The following SNTG1 variants were observed in gnomAD, a reference collection of about 807,000 sequenced individuals.
SNTG1 encodes the protein gamma-1-syntrophin.
SNTG1 carries 39 observed loss-of-function variants against 74.7 expected under a neutral mutation model. The observed-to-expected ratio is 0.52, with a 90% CI of 0.40 to 0.68. The LOEUF is 0.68. SNTG1 is among the 30% of genes least tolerant of loss of function. The pLI is 0.00. For synonymous variants in SNTG1, 254 were observed against 217.1 expected (o/e 1.17, Z -1.49); for missense variants, 685 against 609.5 (o/e 1.12, Z -1.30).
chr8:49,968,506 C>G (rs990291684), intron 1 of SNTG1, among the ~76,000 whole-genome samples: 5 of 151,978 alleles, frequency 3.3e-5, no homozygotes, highest in African/African-American at 1.2e-4. Context: ...GTGGAAAGAT[C>G]CAGATCACTA....
At chr8:49,993,567 C>A (rs1259853036) in intron 1 of SNTG1, among the ~76,000 whole-genome samples, 1 of 152,100 alleles carries the variant, frequency 6.6e-6, no homozygotes, top group East Asian at 1.9e-4. Context: ...CCCTCCCACA[C>A]CCCGAAAGGC....
At position 50,658,668 on chromosome 8, in the gene SNTG1, GATCAAT is replaced by G; in HGVS notation, c.1038+8_1038+13del. The G allele has an allele frequency of 6.2e-7, 1 of 1,603,146 alleles. No homozygotes were observed. The highest frequency in any genetic ancestry group is 1.3e-5 in the African/African-American group (1 of 74,710). ...ATTATGTGCAAGATCCTCAAGGTAT[GATCAAT>G]ATGTAGTCAGTATTTGAATGGCTTT... On this transcript the variant is annotated splice_donor_region_variant and intron_variant, in intron 15 of 18. Coordinates refer to ENST00000642720, the MANE Select transcript of SNTG1 (RefSeq NM_018967.5).
At chr8:49,925,819 G>A (rs180905619) in intron 1 of SNTG1, among the ~76,000 whole-genome samples, 40 of 152,210 alleles carry the variant, frequency 2.6e-4, no homozygotes, top group Admixed American at 2.3e-3. Flanking sequence ...CAATCTGTTT[G>A]CTCATTTAGT....
intron 18 of SNTG1, among the ~76,000 whole-genome samples, chr8:50,781,682 T>C (rs984287004): frequency 3.9e-5 from 6 of 152,216 alleles, no homozygotes; most frequent in African/African-American, 1.2e-4. Flanking sequence ...TGTCTTTTAA[T>C]TGGAGCATTT....
chr8:49,917,805 G>A (rs1806176203), intron 1 of SNTG1, among the ~76,000 whole-genome samples: 2 of 152,124 alleles, frequency 1.3e-5, no homozygotes, highest in African/African-American at 2.4e-5. Context: ...GGTGCAGGCA[G>A]TTCATGTAAG....
intron 8 of SNTG1, among the ~76,000 whole-genome samples, chr8:50,474,319 C>A (rs1444799928): frequency 1.3e-5 from 2 of 151,486 alleles, no homozygotes; most frequent in South Asian, 2.1e-4. Flanking sequence ...TTTTCTCAAC[C>A]TACTCATCTG....
chr8:50,477,777 T>A (rs890645258), intron 8 of SNTG1, among the ~76,000 whole-genome samples: 4 of 152,198 alleles, frequency 2.6e-5, no homozygotes, highest in African/African-American at 9.7e-5. Flanking sequence ...TTTCTGTATA[T>A]CTAAAACTGT....
intron 1 of SNTG1, among the ~76,000 whole-genome samples, chr8:50,170,596 G>C (rs2131644364): frequency 6.6e-6 from 1 of 152,252 alleles, no homozygotes; most frequent in African/African-American, 2.4e-5. Context: ...AGCAAACTTA[G>C]TCATTTAAAA....
At chr8:49,973,529 A>AT (rs1488307270) in intron 1 of SNTG1, among the ~76,000 whole-genome samples, 4 of 151,952 alleles carry the variant, frequency 2.6e-5, no homozygotes, top group Non-Finnish European at 1.5e-5. Flanking sequence ...AAAAAAAAAA[A>AT]GAAAAGAGTC....
intron 13 of SNTG1, among the ~76,000 whole-genome samples, chr8:50,639,522 T>C (rs928316560): frequency 6.6e-6 from 1 of 152,032 alleles, no homozygotes; most frequent in Admixed American, 6.6e-5. Flanking sequence ...TTCCATATTA[T>C]TTTCAAATAT....
At chr8:50,258,181 T>C (rs942921154) in intron 2 of SNTG1, among the ~76,000 whole-genome samples, 1 of 152,212 alleles carries the variant, frequency 6.6e-6, no homozygotes, top group African/African-American at 2.4e-5. Context: ...TTATTTAAAA[T>C]GCTGAGTTTT....
intron 8 of SNTG1, among the ~76,000 whole-genome samples, chr8:50,479,457 G>A (rs1291678679): frequency 6.6e-6 from 1 of 151,786 alleles, no homozygotes; most frequent in African/African-American, 2.4e-5. Flanking sequence ...TTTTCTTAGT[G>A]CCTGTCTTCT....
intron 15 of SNTG1, among the ~76,000 whole-genome samples, chr8:50,704,251 A>G (rs553588923): frequency 6.6e-6 from 1 of 152,330 alleles, no homozygotes; most frequent in South Asian, 2.1e-4. Context: ...ATTTAATTTC[A>G]ACATCATAAC....
At chr8:50,319,603 C>T (rs28530580) in intron 2 of SNTG1, among the ~76,000 whole-genome samples, 83,206 of 151,820 alleles carry the variant, frequency 0.55, 24,648 homozygotes, top group East Asian at 0.84. Context: ...TCCAGTACTA[C>T]GTTGAATAAT....
intron 4 of SNTG1, among the ~76,000 whole-genome samples, chr8:50,428,001 A>G (rs1296748595): frequency 1.3e-5 from 2 of 152,202 alleles, no homozygotes; most frequent in African/African-American, 2.4e-5. Context: ...CAGAGACATT[A>G]CCATCTAAAT....
chr8:50,042,167 T>C (rs1818692833), intron 1 of SNTG1, among the ~76,000 whole-genome samples: 1 of 152,180 alleles, frequency 6.6e-6, no homozygotes, highest in Non-Finnish European at 1.5e-5. Context: ...TACTCAATCT[T>C]TGATTTTCTT....
chr8:50,255,152 A>G (rs1450823100), intron 2 of SNTG1, among the ~76,000 whole-genome samples: 2 of 152,030 alleles, frequency 1.3e-5, no homozygotes, highest in Non-Finnish European at 2.9e-5. Flanking sequence ...CTATCTTTAT[A>G]TCTAAAATTA....
chr8:50,440,350 C>T (rs2093347172), intron 5 of SNTG1, among the ~76,000 whole-genome samples: 2 of 151,732 alleles, frequency 1.3e-5, no homozygotes, highest in African/African-American at 2.4e-5. Context: ...TACCTCTGAA[C>T]TTCATTTTTC....
At chr8:50,542,854 AT>A (rs1284906771) in intron 11 of SNTG1, among the ~76,000 whole-genome samples, 1 of 152,108 alleles carries the variant, frequency 6.6e-6, no homozygotes, top group Non-Finnish European at 1.5e-5. Context: ...ATATTGAGCA[AT>A]TTTTCATATA....
Sources: gnomAD v4.1 joint callset for allele counts (sites outside exome capture counted in the v4.1 genomes callset) on GRCh38, gnomAD v4.1.1 for gene constraint, MANE v1.5 for transcripts, NCBI Gene and HGNC (gene_info 2026-07-23, HGNC 2026-07-21) for gene names.